COMMD1: variants seen among roughly 807,000 people sequenced by gnomAD.
COMMD1 encodes the protein COMM domain-containing protein 1.
COMMD1 carries 10 observed loss-of-function variants against 17.2 expected under a neutral mutation model. That is an observed-to-expected ratio of 0.58 (90% CI 0.36 to 0.99). The LOEUF (loss-of-function observed/expected upper bound fraction) is 0.99, where lower values mean the gene tolerates loss of function less well. Among genes scored for constraint, COMMD1 ranks in the 50% least tolerant of loss-of-function variants. COMMD1 has a pLI of 0.01. For synonymous variants in COMMD1, 97 were observed against 91.6 expected (o/e 1.06, Z -0.34); for missense variants, 270 against 231.8 (o/e 1.17, Z -1.07).
At chr2:62,078,071 C>T (rs956031488) in intron 2 of COMMD1, among the ~76,000 whole-genome samples, 3 of 151,402 alleles carry the variant, frequency 2.0e-5, no homozygotes, top group East Asian at 1.9e-4. Flanking sequence ...GTCAGGAGAT[C>T]GAGACTATCC....
upstream of COMMD1, among the ~76,000 whole-genome samples, chr2:61,901,765 G>A (rs1669661135): frequency 1.3e-5 from 2 of 152,154 alleles, no homozygotes; most frequent in Middle Eastern, 3.2e-3. Flanking sequence ...GTTACTAAGA[G>A]ATGTACACTA....
intron 2 of COMMD1, among the ~76,000 whole-genome samples, chr2:62,003,414 G>A (rs1457589530): frequency 1.7e-4 from 26 of 150,692 alleles, no homozygotes; most frequent in African/African-American, 6.1e-4. Context: ...GGTGGCGGGC[G>A]CCTGTAATCC....
At chr2:62,134,315 G>A (rs575727851) in intron 2 of COMMD1, among the ~76,000 whole-genome samples, 88 of 152,266 alleles carry the variant, frequency 5.8e-4, no homozygotes, top group African/African-American at 2.0e-3. Context: ...TCAACAGAGG[G>A]ACATTAATTA....
At chr2:61,896,701 G>T (rs1206528480) in intron 1 of COMMD1, among the ~76,000 whole-genome samples, 2 of 152,014 alleles carry the variant, frequency 1.3e-5, no homozygotes, top group African/African-American at 2.4e-5. Flanking sequence ...TGATTATTTT[G>T]AGTTAAAAGC....
chr2:62,061,177 A>G (rs553691493), intron 2 of COMMD1, among the ~76,000 whole-genome samples: 5 of 152,156 alleles, frequency 3.3e-5, no homozygotes, highest in African/African-American at 1.2e-4. Context: ...TAATTCCGAC[A>G]CCTAGGTAAT....
intron 1 of COMMD1, among the ~76,000 whole-genome samples, chr2:61,975,725 T>G (rs1429581086): frequency 1.3e-5 from 2 of 152,210 alleles, no homozygotes; most frequent in Admixed American, 1.3e-4. Context: ...TCTTTGACCT[T>G]TATATTATTT....
chr2:61,909,076 GCAC>G (rs1669842209), intron 1 of COMMD1, among the ~76,000 whole-genome samples: 1 of 151,976 alleles, frequency 6.6e-6, no homozygotes, highest in Non-Finnish European at 1.5e-5. Context: ...TTACAAGCAT[GCAC>G]CACCACACCA....
At chr2:62,031,718 C>G (rs1669912211) in intron 2 of COMMD1, among the ~76,000 whole-genome samples, 1 of 152,046 alleles carries the variant, frequency 6.6e-6, no homozygotes, top group African/African-American at 2.4e-5. Flanking sequence ...ATTTTGAAGA[C>G]CTTTGTGGTT....
At chr2:62,057,993 C>A (rs987862447) in intron 2 of COMMD1, among the ~76,000 whole-genome samples, 1 of 151,998 alleles carries the variant, frequency 6.6e-6, no homozygotes, top group Non-Finnish European at 1.5e-5. Flanking sequence ...TAAAATATTA[C>A]GTTAAATTTC....
intron 2 of COMMD1, among the ~76,000 whole-genome samples, chr2:62,115,108 T>C (rs1672554328): frequency 6.6e-6 from 1 of 152,250 alleles, no homozygotes; most frequent in Non-Finnish European, 1.5e-5. Context: ...GCATTATCAT[T>C]AAATTCTCAC....
rs913974128 is a variant in COMMD1 at position 61,893,348 on chromosome 2, A to G, written n.119+4506A>G. 5.9e-5 allele frequency among the ~76,000 whole-genome samples: 9 copies of G among 152,022 alleles called. 1 individual carries two copies. The highest frequency in any genetic ancestry group is 2.2e-4 in the African/African-American group (9 of 41,256). Reference sequence around the variant, plus strand: ...TGGGAAGAGGTTGATTGTTGGCAATAGTAAAAAATAAAAATTTAAAAGTTT... The same window carrying G: ...TGGGAAGAGGTTGATTGTTGGCAATGGTAAAAAATAAAAATTTAAAAGTTT... On this transcript the variant is annotated intron_variant and non_coding_transcript_variant, in intron 1 of 2. Transcript: ENST00000472729.
intron 1 of COMMD1, among the ~76,000 whole-genome samples, chr2:61,985,869 A>G (rs1308464123): frequency 1.3e-5 from 2 of 152,164 alleles, no homozygotes; most frequent in Non-Finnish European, 2.9e-5. Context: ...TGATCAGTTC[A>G]TCTTTTAGTC....
chr2:61,923,790 T>C (rs959454963), intron 1 of COMMD1, among the ~76,000 whole-genome samples: 1 of 152,202 alleles, frequency 6.6e-6, no homozygotes, highest in African/African-American at 2.4e-5. Flanking sequence ...TGTTTTTTGT[T>C]TTGAGGCAAG....
In COMMD1 at chr2:62,136,029, C is replaced by T. The variant is rs8828; in HGVS notation, c.*88C>T. On this transcript the variant is annotated 3_prime_UTR_variant, in exon 3 of 3. Transcript: ENST00000311832. Reference sequence around the variant, plus strand: ...CCTTTTCTAAGAAAATTCTTGTGCCCGCATTGGTATTAAATCCTCGCATTC... The same window carrying T: ...CCTTTTCTAAGAAAATTCTTGTGCCTGCATTGGTATTAAATCCTCGCATTC... The T allele has an allele frequency of 0.016, 11,685 of 751,594 alleles. 978 individuals are homozygous for T. The African/African-American group carries it at 0.17, about 11-fold the overall frequency. 46.6% of individuals were successfully genotyped at this position (751,594 alleles called of 1,614,324 possible). A position where few individuals can be genotyped will look rare whatever the true frequency, so the allele number is the denominator to read the frequency against.
rs572862280 is a variant in COMMD1, at chr2:61,948,191, C to T, written c.180+42333C>T. On this transcript the variant is annotated intron_variant, in intron 1 of 2. Coordinates refer to ENST00000311832, the MANE Select transcript of COMMD1 (RefSeq NM_152516.4). ...TGGTGCAATCACCGCTTACTGCAGC[C>T]TTGACCTCCTGGGCTCAAGCAACCC... Among the ~76,000 whole-genome samples, 226 of 152,286 alleles carry T rather than the reference C, an allele frequency of 1.5e-3. 1 individual carries two copies. The highest frequency in any genetic ancestry group is 3.4e-3 in the Middle Eastern group (1 of 294).
chr2:62,060,941 C>G (rs189693557), intron 2 of COMMD1, among the ~76,000 whole-genome samples: 68 of 151,984 alleles, frequency 4.5e-4, no homozygotes, highest in African/African-American at 1.6e-3. Context: ...TAATTTCTTT[C>G]CATTTATCTT....
chr2:62,068,466 A>G (rs528909911), intron 2 of COMMD1, among the ~76,000 whole-genome samples: 4 of 152,326 alleles, frequency 2.6e-5, no homozygotes, highest in Non-Finnish European at 5.9e-5. Context: ...AAGAAAAGTA[A>G]TAAATTAGAC....
chr2:62,034,779 C>A (rs1669997459), intron 2 of COMMD1, among the ~76,000 whole-genome samples: 2 of 151,952 alleles, frequency 1.3e-5, no homozygotes, highest in Admixed American at 6.6e-5. Flanking sequence ...CCTTTGATTT[C>A]TAAGGAGAAA....
intron 2 of COMMD1, among the ~76,000 whole-genome samples, chr2:62,073,017 C>T (rs1305615219): frequency 1.3e-5 from 2 of 152,200 alleles, no homozygotes; most frequent in Non-Finnish European, 2.9e-5. Context: ...AAAGCAAGCC[C>T]AGTGGTAAGC....
Sources: gnomAD v4.1 joint callset for allele counts (sites outside exome capture counted in the v4.1 genomes callset) on GRCh38, gnomAD v4.1.1 for gene constraint, MANE v1.5 for transcripts, NCBI Gene and HGNC (gene_info 2026-07-23, HGNC 2026-07-21) for gene names.